Variants in UVRAG observed in about 807,000 individuals in gnomAD.
UVRAG encodes UV radiation resistance associated, also known as UV radiation resistance-associated gene protein.
In UVRAG, 19 loss-of-function variants were observed where a neutral mutation model predicts 78.0. That is an observed-to-expected ratio of 0.24 (90% CI 0.17 to 0.36). The LOEUF (loss-of-function observed/expected upper bound fraction) is 0.36. Among genes scored for constraint, UVRAG ranks in the 10% least tolerant of loss-of-function variants. The pLI is 1.00. For synonymous variants in UVRAG, 323 were observed against 324.6 expected (o/e 1.00, Z 0.05); for missense variants, 740 against 853.8 (o/e 0.87, Z 1.66).
chr11:76,056,151 C>G (rs1950981473), intron 12 of UVRAG, among the ~76,000 whole-genome samples: 1 of 152,182 alleles, frequency 6.6e-6, no homozygotes, highest in Non-Finnish European at 1.5e-5. Context: ...ACTGTCTTTC[C>G]CAGTCCCCTG....
intron 2 of UVRAG, 49 bp from the exon 3 acceptor site, chr11:75,861,697 G>T: frequency 1.4e-6 from 2 of 1,395,356 alleles, no homozygotes; most frequent in Non-Finnish European, 2.0e-6. Context: ...TTGGTTAATG[G>T]GCTTATTTTC....
intron 12 of UVRAG, among the ~76,000 whole-genome samples, chr11:76,064,320 G>T (rs73001574): frequency 0.014 from 2,203 of 152,284 alleles, 31 homozygotes; most frequent in Non-Finnish European, 0.019. Context: ...TCTCTAAAGT[G>T]CCCCTGTTGG....
intron 12 of UVRAG, among the ~76,000 whole-genome samples, chr11:76,021,629 A>T (rs141584725): frequency 1.8e-3 from 280 of 152,104 alleles, no homozygotes; most frequent in African/African-American, 6.5e-3. Flanking sequence ...TTTCTTTTAT[A>T]ATGTCAGTGT....
intron 6 of UVRAG, among the ~76,000 whole-genome samples, chr11:75,925,550 A>G (rs1948081030): frequency 6.6e-6 from 1 of 152,184 alleles, no homozygotes; most frequent in Non-Finnish European, 1.5e-5. Flanking sequence ...AGGGATTTAT[A>G]TTCTAGTAGG....
chr11:76,102,089 TA>T (rs1019465708), intron 13 of UVRAG, among the ~76,000 whole-genome samples: 5 of 152,198 alleles, frequency 3.3e-5, no homozygotes, highest in Admixed American at 3.3e-4. Context: ...ATATGAATTT[TA>T]AAGTAGTTTT....
At chr11:76,077,748 A>G (rs1951429173) in intron 13 of UVRAG, among the ~76,000 whole-genome samples, 1 of 152,242 alleles carries the variant, frequency 6.6e-6, no homozygotes, top group Non-Finnish European at 1.5e-5. Flanking sequence ...CTCTAAGTTC[A>G]GGAGACCGTA....
chr11:75,881,912 C>G (rs1230515774), intron 4 of UVRAG, among the ~76,000 whole-genome samples: 1 of 152,120 alleles, frequency 6.6e-6, no homozygotes, highest in Non-Finnish European at 1.5e-5. Context: ...GGAAATGATT[C>G]AAGATCACAC....
At chr11:75,844,015 C>A in intron 1 of UVRAG, among the ~76,000 whole-genome samples, 1 of 151,470 alleles carries the variant, frequency 6.6e-6, no homozygotes, top group Non-Finnish European at 1.5e-5. Context: ...TTTCGTTAGC[C>A]CTAATTGGAT....
At chr11:75,887,407 A>C (rs1382589580) in intron 4 of UVRAG, among the ~76,000 whole-genome samples, 1 of 147,302 alleles carries the variant, frequency 6.8e-6, no homozygotes, top group Admixed American at 6.8e-5. Context: ...GGCCTCCCGA[A>C]GTGCTGGGAT....
chr11:75,887,096 A>G (rs147489563), intron 4 of UVRAG, among the ~76,000 whole-genome samples: 12 of 148,064 alleles, frequency 8.1e-5, no homozygotes, highest in South Asian at 2.1e-4. Context: ...CAGCCTCCCT[A>G]GTAGCTGGAA....
At chr11:76,055,576 C>T (rs1031490039) in intron 12 of UVRAG, among the ~76,000 whole-genome samples, 5 of 152,102 alleles carry the variant, frequency 3.3e-5, no homozygotes, top group African/African-American at 1.2e-4. Context: ...TATTTATTTC[C>T]GTGAATCTTA....
chr11:75,970,773 TC>T (rs1384389659), intron 7 of UVRAG, among the ~76,000 whole-genome samples: 1 of 151,666 alleles, frequency 6.6e-6, no homozygotes, highest in Admixed American at 6.6e-5. Flanking sequence ...AGTACAGAGT[TC>T]CCATATAACC....
intron 14 of UVRAG, chr11:76,137,276 A>T (rs1310101561): frequency 6.6e-6 from 3 of 453,408 alleles, no homozygotes; most frequent in Admixed American, 2.4e-5. Context: ...AACCACCCAC[A>T]GCGCCAGAGG....
intron 7 of UVRAG, among the ~76,000 whole-genome samples, chr11:75,969,723 T>C (rs1461510091): frequency 6.6e-6 from 1 of 152,168 alleles, no homozygotes; most frequent in Non-Finnish European, 1.5e-5. Context: ...AGAATCAGTG[T>C]GTCAGGGATG....
rs547610072 is a variant in UVRAG, at chr11:75,953,297, C to A, written c.594-8147C>A. On this transcript the variant is annotated intron_variant, in intron 6 of 14. Transcript: ENST00000356136. Reference sequence around the variant, plus strand: ...TTCTCTGTGTGCCATTCACCTATTACAAGAAGAAATATCTTTCTAAAGTGC... The same window carrying A: ...TTCTCTGTGTGCCATTCACCTATTAAAAGAAGAAATATCTTTCTAAAGTGC... Among the ~76,000 whole-genome samples, 6 of 152,274 alleles carry A rather than the reference C, an allele frequency of 3.9e-5. No homozygotes were observed. The South Asian group carries it at 1.2e-3, about 32-fold the overall frequency.
intron 6 of UVRAG, among the ~76,000 whole-genome samples, chr11:75,950,426 A>T (rs1192190879): frequency 2.0e-5 from 3 of 152,108 alleles, no homozygotes; most frequent in African/African-American, 7.2e-5. Context: ...TGGCTAATTT[A>T]ATTTTTTTAG....
At chr11:75,820,520 A>G (rs1945364131) in intron 1 of UVRAG, among the ~76,000 whole-genome samples, 1 of 151,828 alleles carries the variant, frequency 6.6e-6, no homozygotes. Flanking sequence ...GTTCCTGGCT[A>G]ATTTTTGTAT....
rs762098021 is a variant in UVRAG, at chr11:75,961,590, C to T, written c.699+41C>T. The T allele has an allele frequency of 2.7e-6, 4 of 1,469,354 alleles. No individual in the cohort carries two copies. In the South Asian group the frequency reaches 5.1e-5, roughly 19 times the overall value. 91.0% of individuals were successfully genotyped at this position (1,469,354 alleles called of 1,614,324 possible). A position where few individuals can be genotyped will look rare whatever the true frequency, so the allele number is the denominator to read the frequency against. ...TTTACCTGTTTACACTTCTTGTTTT[C>T]TAAAGGAGAGTATCATATTCTTCTA... On this transcript the variant is annotated intron_variant, in intron 7 of 14. Transcript: ENST00000356136.
At chr11:75,877,125 A>C (rs1946803655) in intron 3 of UVRAG, among the ~76,000 whole-genome samples, 1 of 151,824 alleles carries the variant, frequency 6.6e-6, no homozygotes, top group African/African-American at 2.4e-5. Flanking sequence ...TTTAACCCTG[A>C]GTGGACACAG....
Sources: allele counts gnomAD v4.1 joint callset (sites outside exome capture counted in the v4.1 genomes callset), GRCh38; gene constraint gnomAD v4.1.1; transcripts MANE v1.5; gene names NCBI Gene and HGNC (gene_info 2026-07-23, HGNC 2026-07-21).